Variants in RFX2 observed in about 807,000 individuals in gnomAD.
RFX2 encodes the protein DNA-binding protein RFX2.
A neutral mutation model predicts 87.8 loss-of-function variants in RFX2; 20 were observed. The ratio of observed to expected loss-of-function variants is 0.23; its 90% confidence interval spans 0.16 to 0.33. The LOEUF (loss-of-function observed/expected upper bound fraction) is 0.33, where lower values mean the gene tolerates loss of function less well. Among genes scored for constraint, RFX2 ranks in the 10% least tolerant of loss-of-function variants. RFX2 has a pLI of 1.00. For missense variants in RFX2, 767 were observed against 1,012.3 expected, an observed-to-expected ratio of 0.76 and a Z score of 3.29; for synonymous variants, 397 against 431.3, an observed-to-expected ratio of 0.92 and a Z score of 0.98.
intron 6 of RFX2, among the ~76,000 whole-genome samples, chr19:6,025,890 A>G (rs895688612): frequency 1.3e-5 from 2 of 148,580 alleles, no homozygotes; most frequent in Non-Finnish European, 1.5e-5. Flanking sequence ...GGTTCAAGCG[A>G]TTCTCCTGCC....
chr19:6,072,513 G>C (rs2087621814), intron 1 of RFX2, among the ~76,000 whole-genome samples: 1 of 151,996 alleles, frequency 6.6e-6, no homozygotes, highest in South Asian at 2.1e-4. Context: ...GAACAGCCTG[G>C]GTAACAAAGC....
chr19:6,090,533 G>C (rs1244095308), intron 1 of RFX2, among the ~76,000 whole-genome samples: 2 of 152,110 alleles, frequency 1.3e-5, no homozygotes, highest in African/African-American at 4.8e-5. Flanking sequence ...ACTAAAAACA[G>C]GGAAAAATAA....
chr19:6,089,474 T>A (rs528268932), intron 1 of RFX2, among the ~76,000 whole-genome samples: 40 of 152,276 alleles, frequency 2.6e-4, no homozygotes, highest in African/African-American at 9.1e-4. Context: ...AAAACTCACA[T>A]GTTGAAACCT....
chr19:6,099,034 C>A (rs1337646677), intron 1 of RFX2, among the ~76,000 whole-genome samples: 6 of 148,820 alleles, frequency 4.0e-5, no homozygotes, highest in African/African-American at 1.5e-4. Flanking sequence ...ACCTTGCTTT[C>A]CCTCAGAGCA....
intron 1 of RFX2, among the ~76,000 whole-genome samples, chr19:6,090,822 A>C (rs1481236661): frequency 1.3e-5 from 2 of 152,246 alleles, no homozygotes; most frequent in African/African-American, 4.8e-5. Context: ...GTGGAATACT[A>C]TTCAGCCATA....
chr19:6,062,457 G>A (rs2087449318), intron 1 of RFX2, among the ~76,000 whole-genome samples: 1 of 152,178 alleles, frequency 6.6e-6, no homozygotes, highest in South Asian at 2.1e-4. Context: ...AACTGGCTTT[G>A]GCTTGGGTTT....
chr19:6,039,981 G>T lies in RFX2; in HGVS notation c.521C>A (p.Thr174Lys). The T allele has an allele frequency of 6.4e-7, 1 of 1,570,180 alleles. No homozygotes were observed. Among genetic ancestry groups the T allele is most frequent in the Non-Finnish European group, 8.7e-7 (1 of 1,153,440 alleles). Reference sequence around the variant, plus strand: ...TGGTCCCAAGAGCCTCCTACATACCGTGGCGGGCGATGAGCGGGAGGTGTG... The same window carrying T: ...TGGTCCCAAGAGCCTCCTACATACCTTGGCGGGCGATGAGCGGGAGGTGTG... Reference protein sequence around the residue: ...LAHTSRSSPATLEMAIENLQK... With the variant: ...LAHTSRSSPAKLEMAIENLQK... The change falls in exon 5 of 18, where the codon ACG becomes AAG. Residue 174 changes from threonine (T) to lysine (K), a missense_variant and splice_region_variant. Thr to Lys is a moderately conservative substitution (Grantham distance 78, BLOSUM62 -1). Coordinates refer to ENST00000303657, the MANE Select transcript of RFX2 (RefSeq NM_000635.4). The surrounding 1 kb of genome is among the most constrained non-coding windows in gnomAD (Gnocchi z 5.2).
chr19:6,048,446 G>A (rs2087225759), intron 1 of RFX2, among the ~76,000 whole-genome samples: 1 of 152,234 alleles, frequency 6.6e-6, no homozygotes, highest in South Asian at 2.1e-4. Flanking sequence ...AATCGGCTAT[G>A]TTGAGCATTT....
In RFX2 at chr19:6,061,356, C is replaced by T. The variant is rs2087427317; in HGVS notation, c.-8-13852G>A. ...TTTCACCGCATAGACAGTGTGTGTGCTAAATCAAGGGATTAACTACCAAGG... is the reference window on the plus strand; with the variant it reads ...TTTCACCGCATAGACAGTGTGTGTGTTAAATCAAGGGATTAACTACCAAGG... On this transcript the variant is annotated intron_variant, in intron 1 of 17. Transcript: ENST00000303657. This position sits in a 1 kb window ranked among gnomAD's most constrained non-coding sequence, Gnocchi z 5.2. Among the ~76,000 whole-genome samples the T allele has an allele frequency of 1.3e-5, 2 of 150,820 alleles. No homozygotes were observed. The highest frequency in any genetic ancestry group is 2.9e-5 in the Non-Finnish European group (2 of 67,932).
intron 16 of RFX2, among the ~76,000 whole-genome samples, 184 bp downstream of exon 16, chr19:5,996,876 C>T (rs1209960681): frequency 6.6e-6 from 1 of 152,244 alleles, no homozygotes; most frequent in African/African-American, 2.4e-5. Flanking sequence ...TGTTTTGAGA[C>T]ACTGCTGTGT....
At chr19:6,109,017 T>TGTGTGTGTGA (rs986901599) in intron 1 of RFX2, among the ~76,000 whole-genome samples, 2 of 151,706 alleles carry the variant, frequency 1.3e-5, no homozygotes, top group African/African-American at 4.8e-5. Flanking sequence ...TGAGTGAGTG[T>TGTGTGTGTGA]GTGTGTGTGA....
At chr19:6,092,828 G>C (rs2087959171) in intron 1 of RFX2, among the ~76,000 whole-genome samples, 1 of 152,120 alleles carries the variant, frequency 6.6e-6, no homozygotes, top group African/African-American at 2.4e-5. Context: ...GGGGACACAA[G>C]TTTTCACGAG....
chr19:6,042,030 G>A lies in RFX2; in HGVS notation c.260+14C>T. 6.2e-7 allele frequency: 1 copy of A among 1,611,736 alleles called. No homozygotes were observed. Among genetic ancestry groups the A allele is most frequent in the Non-Finnish European group, 8.5e-7 (1 of 1,177,844 alleles). ...GAGAGGGTTCCGGGTGTGGCCCGCG[G>A]GAGAAGCACGCACATGGCTCCATTG... On this transcript the variant is annotated intron_variant, in intron 4 of 17. Transcript: ENST00000303657.
At chr19:6,008,514 A>T (rs1249952659) in intron 9 of RFX2, among the ~76,000 whole-genome samples, 1 of 150,936 alleles carries the variant, frequency 6.6e-6, no homozygotes, top group Non-Finnish European at 1.5e-5. Flanking sequence ...CTGGGATTAC[A>T]GGTGGGCGCC....
chr19:6,079,714 C>T (rs1385298505), intron 1 of RFX2, among the ~76,000 whole-genome samples: 3 of 151,866 alleles, frequency 2.0e-5, no homozygotes, highest in African/African-American at 4.8e-5. Flanking sequence ...GGTGAAACTC[C>T]GTCTCTACTA....
chr19:6,042,496 GTTTT>G (rs141155152), intron 3 of RFX2, among the ~76,000 whole-genome samples: 9 of 146,868 alleles, frequency 6.1e-5, no homozygotes, highest in African/African-American at 2.0e-4. Context: ...CCTGGTTTCT[GTTTT>G]TTTTTTTTGT....
chr19:6,018,578 GGGAA>G (rs1212885408), intron 6 of RFX2, among the ~76,000 whole-genome samples: 2 of 152,228 alleles, frequency 1.3e-5, no homozygotes, highest in African/African-American at 4.8e-5. Context: ...TTTAGGAAGG[GGGAA>G]GTTAAGTCTT....
chr19:6,067,853 T>C (rs1463322777), intron 1 of RFX2: 3 of 152,222 alleles, frequency 2.0e-5, no homozygotes, highest in East Asian at 1.9e-4. Context: ...TGACCAAGCA[T>C]ACCTTTCAAG....
chr19:6,054,345 C>T (rs1568526650), intron 1 of RFX2, among the ~76,000 whole-genome samples: 1 of 151,988 alleles, frequency 6.6e-6, no homozygotes, highest in African/African-American at 2.4e-5. Context: ...TACACAAATG[C>T]CATCAGAAAA....
Sources: gnomAD v4.1 joint callset for allele counts (sites outside exome capture counted in the v4.1 genomes callset) on GRCh38, gnomAD v4.1.1 for gene constraint, Gnocchi (gnomAD v3.1) non-coding constraint, MANE v1.5 for transcripts, NCBI Gene and HGNC (gene_info 2026-07-23, HGNC 2026-07-21) for gene names.